The following HSD17B4 variants were observed in gnomAD, a reference collection of about 807,000 sequenced individuals.
HSD17B4 encodes hydroxysteroid 17-beta dehydrogenase 4.
A neutral mutation model predicts 101.0 loss-of-function variants in HSD17B4; 70 were observed. The ratio of observed to expected loss-of-function variants is 0.69; its 90% CI spans 0.57 to 0.85. The LOEUF is 0.85. Among genes scored for constraint, HSD17B4 ranks in the 40% least tolerant of loss-of-function variants. The pLI, the probability that HSD17B4 is intolerant of heterozygous loss-of-function variation, is 0.00. For missense variants in HSD17B4, 984 were observed against 892.4 expected, an observed-to-expected ratio of 1.10 and a Z score of -1.31; for synonymous variants, 347 against 297.1, an observed-to-expected ratio of 1.17 and a Z score of -1.73.
chr5:119,530,367 G>T (rs1335152837), intron 21 of HSD17B4, among the ~76,000 whole-genome samples: 1 of 152,066 alleles, frequency 6.6e-6, no homozygotes, highest in Non-Finnish European at 1.5e-5. Context: ...ATATAAACCA[G>T]CAGCGTGTAT....
rs1748848405 is a variant in HSD17B4, at chr5:119,478,864, A to G, written c.465A>G (p.Ile155Met). The part of the protein sequence containing the change: ...RIIMTSSASG[I>M]YGNFGQANYS... The stretch of plus-strand genomic sequence containing the variant: ...TTATGACTTCATCAGCTTCAGGAAT[A>G]TATGGCAACTTTGGCCAGGCCAATT... The change falls in exon 8 of 24, where the codon ATA (isoleucine) becomes ATG (methionine). Residue 155 changes from isoleucine (I) to methionine (M), a missense_variant. Physicochemically the swap from Ile to Met is conservative, Grantham distance 10 (BLOSUM62 1). Coordinates refer to ENST00000510025, the MANE Select transcript of HSD17B4 (RefSeq NM_000414.4). 1.9e-6 allele frequency: 3 copies of G among 1,613,486 alleles called. No individual in the cohort carries two copies. Among genetic ancestry groups the G allele is most frequent in the Non-Finnish European group, 2.5e-6 (3 of 1,179,644 alleles).
At chr5:119,494,677 T>G (rs1750469398) in intron 11 of HSD17B4, among the ~76,000 whole-genome samples, 1 of 152,132 alleles carries the variant, frequency 6.6e-6, no homozygotes, top group Non-Finnish European at 1.5e-5. Flanking sequence ...CTTCTTTTGT[T>G]TCATGAATGT....
intron 2 of HSD17B4, 63 bp from the exon 3 acceptor site, chr5:119,473,845 C>A: frequency 1.0e-6 from 1 of 966,026 alleles, no homozygotes; most frequent in Non-Finnish European, 1.7e-6. Flanking sequence ...TTTCCACACA[C>A]ACACACACAC....
At chr5:119,482,508 T>C (rs778336992) in intron 8 of HSD17B4, among the ~76,000 whole-genome samples, 49 of 152,144 alleles carry the variant, frequency 3.2e-4, no homozygotes, top group Non-Finnish European at 1.2e-4. Flanking sequence ...TTAACATGGG[T>C]TGCAATTTTT....
At position 119,478,996 on chromosome 5, in the gene HSD17B4, G is replaced by A. The variant is rs770261826; in HGVS notation, c.597G>A (p.Arg199=). The change falls in exon 8 of 24, where the codon CGG becomes CGA. Residue 199 remains arginine (R), a synonymous_variant. Coordinates refer to ENST00000510025, the MANE Select transcript of HSD17B4 (RefSeq NM_000414.4). ...CCATTGCTCCTAATGCGGGATCACGGATGACTCAGACAGTTATGCCTGAAG... is the reference window on the plus strand; with the variant it reads ...CCATTGCTCCTAATGCGGGATCACGAATGACTCAGACAGTTATGCCTGAAG... ...CNTIAPNAGS[R]MTQTVMPEDL... 1.8e-5 allele frequency: 29 copies of A among 1,613,508 alleles called. No homozygotes were observed. The highest frequency in any genetic ancestry group is 2.7e-5 in the African/African-American group (2 of 74,998).
intron 2 of HSD17B4, 45 bp downstream of exon 2, chr5:119,456,413 A>G: frequency 4.6e-6 from 5 of 1,093,234 alleles, no homozygotes; most frequent in Non-Finnish European, 7.1e-6. Flanking sequence ...TGATAACTGA[A>G]ATACAATCTT....
chr5:119,489,520 C>G (rs970352787), intron 9 of HSD17B4, among the ~76,000 whole-genome samples: 1 of 152,028 alleles, frequency 6.6e-6, no homozygotes, highest in Non-Finnish European at 1.5e-5. Context: ...TTGATCTGTT[C>G]GGTCAAAATG....
At chr5:119,527,089 G>A (rs1753668755) in intron 19 of HSD17B4, 44 bp from the exon 20 acceptor site, 3 of 1,176,546 alleles carry the variant, frequency 2.5e-6, no homozygotes, top group Non-Finnish European at 2.6e-6. Flanking sequence ...AAGTAAAAGA[G>A]TTTCCTTTTA....
chr5:119,530,932 G>A (rs1207688081), intron 21 of HSD17B4, among the ~76,000 whole-genome samples: 1 of 146,584 alleles, frequency 6.8e-6, no homozygotes, highest in Non-Finnish European at 1.5e-5. Context: ...ATGTAATTTA[G>A]TATTATTTTA....
chr5:119,522,073 A>G (rs1753165199), intron 17 of HSD17B4, among the ~76,000 whole-genome samples: 1 of 151,872 alleles, frequency 6.6e-6, no homozygotes, highest in Non-Finnish European at 1.5e-5. Flanking sequence ...TCTCCTAATG[A>G]TATCCCTCCC....
chr5:119,467,722 T>A (rs1326939192), intron 2 of HSD17B4, among the ~76,000 whole-genome samples: 1 of 152,242 alleles, frequency 6.6e-6, no homozygotes, highest in Non-Finnish European at 1.5e-5. Flanking sequence ...TTTGCATATA[T>A]GGAGGGCCTA....
chr5:119,537,267 A>C (rs149719151), intron 23 of HSD17B4, among the ~76,000 whole-genome samples: 1 of 152,172 alleles, frequency 6.6e-6, no homozygotes, highest in Non-Finnish European at 1.5e-5. Flanking sequence ...AAGGAATTGT[A>C]AAGTAGTATA....
chr5:119,529,070 GAAGTA>G (rs1159558596), intron 20 of HSD17B4, among the ~76,000 whole-genome samples: 6 of 152,066 alleles, frequency 3.9e-5, no homozygotes, highest in African/African-American at 1.4e-4. Context: ...TATGTAATTT[GAAGTA>G]AAGTGAACAA....
intron 17 of HSD17B4, among the ~76,000 whole-genome samples, chr5:119,522,606 C>G (rs892746362): frequency 2.0e-5 from 3 of 151,982 alleles, no homozygotes; most frequent in African/African-American, 7.2e-5. Context: ...CAAAATTGCC[C>G]TTTCTCTCTG....
At position 119,496,535 on chromosome 5, in the gene HSD17B4, C is replaced by G; in HGVS notation, c.869-8C>G. On this transcript the variant is annotated splice_polypyrimidine_tract_variant and splice_region_variant and intron_variant, in intron 11 of 23. Transcript: ENST00000510025. ...TTTATTTTTTTTGTTTTTCATTTTT[C>G]ATTTTAGAATCAACTGGCAGTATAA... The G allele has an allele frequency of 7.0e-7, 1 of 1,431,780 alleles. No individual in the cohort carries two copies. The highest frequency in any genetic ancestry group is 9.8e-7 in the Non-Finnish European group (1 of 1,015,572). 88.7% of individuals were successfully genotyped at this position (1,431,780 alleles called of 1,614,324 possible). A position where few individuals can be genotyped will look rare whatever the true frequency, so the allele number is the denominator to read the frequency against.
At chr5:119,523,841 A>G (rs372748316) in intron 17 of HSD17B4, among the ~76,000 whole-genome samples, 4 of 152,202 alleles carry the variant, frequency 2.6e-5, no homozygotes, top group African/African-American at 9.6e-5. Flanking sequence ...TAGCCTCTAA[A>G]TGTTTCTAAA....
chr5:119,462,435 C>T (rs1755356315), intron 2 of HSD17B4, among the ~76,000 whole-genome samples: 1 of 151,768 alleles, frequency 6.6e-6, no homozygotes, highest in South Asian at 2.1e-4. Context: ...CTTTTCCAAA[C>T]TGTTTTCTTA....
chr5:119,474,283 A>C (rs907120989), intron 3 of HSD17B4, 118 bp from the exon 4 acceptor site: 1 of 777,198 alleles, frequency 1.3e-6, no homozygotes, highest in Non-Finnish European at 2.4e-6. Flanking sequence ...AGATATGGAT[A>C]TGTTCTTCTG....
In HSD17B4 at chr5:119,511,642, C is replaced by T. The variant is rs147364225; in HGVS notation, c.1437+2398C>T. 6.6e-5 allele frequency among the ~76,000 whole-genome samples: 10 copies of T among 152,080 alleles called. No individual in the cohort carries two copies. The East Asian group carries it at 1.7e-3, about 26-fold the overall frequency. ...GAGAGCCTGCTAAAACCAGTGTCAT[C>T]GTAGGGTGACTGCACCTACTCAAGG... is the stretch of plus-strand genomic sequence containing the variant. On this transcript the variant is annotated intron_variant, in intron 16 of 23. Transcript: ENST00000510025.
Sources: allele counts gnomAD v4.1 joint callset (sites outside exome capture counted in the v4.1 genomes callset), GRCh38; gene constraint gnomAD v4.1.1; transcripts MANE v1.5; gene names NCBI Gene and HGNC (gene_info 2026-07-23, HGNC 2026-07-21).